TENM2: variants seen among roughly 807,000 people sequenced by gnomAD.
TENM2 encodes teneurin transmembrane protein 2.
In TENM2, 52 loss-of-function variants were observed where a neutral mutation model predicts 245.2. That is an observed-to-expected ratio of 0.21 (90% CI 0.17 to 0.27). The LOEUF (loss-of-function observed/expected upper bound fraction) is 0.27, where lower values mean the gene tolerates loss of function less well. TENM2 is among the 10% of genes least tolerant of loss of function. The pLI, the probability that TENM2 is intolerant of heterozygous loss-of-function variation, is 1.00. For synonymous variants in TENM2, 1,363 were observed against 1,438.9 expected (o/e 0.95, Z 1.19); for missense variants, 3,046 against 3,666.8 (o/e 0.83, Z 4.37).
At chr5:167,208,400 T>C in the TENM2 span, among the ~76,000 whole-genome samples, 1 of 152,180 alleles carries the variant, frequency 6.6e-6, no homozygotes, top group Non-Finnish European at 1.5e-5. Context: ...AGGTTCCACA[T>C]CCTAAGGAGA....
At chr5:167,187,043 T>C in the TENM2 span, among the ~76,000 whole-genome samples, 1 of 152,196 alleles carries the variant, frequency 6.6e-6, no homozygotes, top group Non-Finnish European at 1.5e-5. Flanking sequence ...CAGTTGTCAT[T>C]CAATTGGGTT....
chr5:167,643,920 T>C (rs1779767643), intron 2 of TENM2, among the ~76,000 whole-genome samples: 1 of 152,248 alleles, frequency 6.6e-6, no homozygotes, highest in Non-Finnish European at 1.5e-5. Context: ...AGTAGGAGCT[T>C]CATTACTTTT....
intron 7 of TENM2, among the ~76,000 whole-genome samples, chr5:168,070,666 A>G (rs1790909537): frequency 6.6e-6 from 1 of 150,854 alleles, no homozygotes; most frequent in Admixed American, 6.7e-5. Context: ...GTATCTGCCC[A>G]TAGTCCCAGC....
chr5:167,071,784 A>C, the TENM2 span, among the ~76,000 whole-genome samples: 1 of 152,078 alleles, frequency 6.6e-6, no homozygotes, highest in South Asian at 2.1e-4. Context: ...TTTCAGGGAC[A>C]TTGAATGAGG....
intron 13 of TENM2, among the ~76,000 whole-genome samples, chr5:168,174,608 C>A (rs1452376060): frequency 6.6e-6 from 1 of 152,176 alleles, no homozygotes; most frequent in Non-Finnish European, 1.5e-5. Flanking sequence ...GATGCTGTTG[C>A]GTTGAGAACC....
At chr5:168,203,814 A>T (rs1369961182) in exon 18 of TENM2, 2 of 1,611,920 alleles carry the variant, frequency 1.2e-6, no homozygotes, top group Admixed American at 1.7e-5. Flanking sequence ...CAAACACCAC[A>T]TCCTCAATGT....
At chr5:167,910,968 C>T (rs1370375044) in intron 3 of TENM2, among the ~76,000 whole-genome samples, 1 of 151,978 alleles carries the variant, frequency 6.6e-6, no homozygotes, top group South Asian at 2.1e-4. Flanking sequence ...GTTAAACAAA[C>T]CCTAGGAAAA....
At chr5:167,006,064 G>C in the TENM2 span, among the ~76,000 whole-genome samples, 1 of 152,110 alleles carries the variant, frequency 6.6e-6, no homozygotes, top group Non-Finnish European at 1.5e-5. Flanking sequence ...TTTCCATGTA[G>C]ACTAGCCTTT....
At chr5:167,448,101 C>G (rs1765339359) in intron 2 of TENM2, among the ~76,000 whole-genome samples, 1 of 152,160 alleles carries the variant, frequency 6.6e-6, no homozygotes, top group Admixed American at 6.5e-5. Context: ...GCTTCAGCTA[C>G]AGTGGTTCCC....
Position 168,156,254 on chromosome 5 carries a change from A to AAAAAAC in TENM2, c.2423-6352_2423-6351insCAAAAA, listed in dbSNP as rs899264748. Among the ~76,000 whole-genome samples the AAAAAAC allele has an allele frequency of 2.9e-4, 43 of 149,762 alleles. No individual in the cohort carries two copies. In the East Asian group the frequency reaches 8.0e-3, roughly 28 times the overall value. The stretch of plus-strand genomic sequence containing the variant: ...TAAGGTTTTCCCCATAGTTAAAAAA[A>AAAAAAC]AAAAAAAAAAAACACTTTTTTTTTT... On this transcript the variant is annotated intron_variant, in intron 12 of 28. Coordinates refer to ENST00000518659, the Ensembl canonical transcript of TENM2.
At position 168,221,626 on chromosome 5, in the gene TENM2, G is replaced by A. The variant is rs535805351; in HGVS notation, c.5108+2627G>A. 3.2e-4 allele frequency among the ~76,000 whole-genome samples: 49 copies of A among 152,278 alleles called. 1 individual carries two copies. In the South Asian group the frequency reaches 4.8e-3, roughly 15 times the overall value. On this transcript the variant is annotated intron_variant, in intron 23 of 28. Coordinates refer to ENST00000518659, the Ensembl canonical transcript of TENM2. The stretch of plus-strand genomic sequence containing the variant: ...AGGGGTAGGAAAAAATAACACTATC[G>A]AATCTTCCTGGACCCATTTTATGAT...
the TENM2 span, among the ~76,000 whole-genome samples, chr5:167,213,041 A>G: frequency 6.6e-6 from 1 of 152,248 alleles, no homozygotes; most frequent in Non-Finnish European, 1.5e-5. Flanking sequence ...TTACAGTTTT[A>G]AAGTTAGCAG....
At chr5:168,116,780 G>A (rs34454819) in intron 9 of TENM2, among the ~76,000 whole-genome samples, 32,397 of 152,126 alleles carry the variant, frequency 0.21, 3,692 homozygotes, top group Non-Finnish European at 0.24. Context: ...GAGGCTGGGT[G>A]GGGCAGGTGA....
At chr5:168,226,340 T>C in intron 24 of TENM2, 77 bp downstream of exon 26, 1 of 1,417,516 alleles carries the variant, frequency 7.1e-7, no homozygotes, top group Non-Finnish European at 9.7e-7. Flanking sequence ...ACATGTGAGT[T>C]ATGCAGCCTG....
At chr5:167,228,028 CTTTAT>C in the TENM2 span, among the ~76,000 whole-genome samples, 2 of 126,180 alleles carry the variant, frequency 1.6e-5, no homozygotes, top group African/African-American at 3.4e-5. Flanking sequence ...TCTTTTTCTT[CTTTAT>C]TTTATTTTAT....
At chr5:167,406,952 TTAA>T (rs1416618012) in intron 2 of TENM2, among the ~76,000 whole-genome samples, 1 of 152,176 alleles carries the variant, frequency 6.6e-6, no homozygotes, top group East Asian at 1.9e-4. Context: ...TAATTCTTGA[TTAA>T]TAATTTAATA....
chr5:167,879,388 G>A (rs759150577), intron 3 of TENM2, among the ~76,000 whole-genome samples: 5 of 152,110 alleles, frequency 3.3e-5, no homozygotes, highest in African/African-American at 7.2e-5. Context: ...GAGCTCCAGC[G>A]AGTGGCTCAT....
chr5:167,474,801 C>T (rs1324399139), intron 2 of TENM2, among the ~76,000 whole-genome samples: 1 of 152,184 alleles, frequency 6.6e-6, no homozygotes, highest in African/African-American at 2.4e-5. Flanking sequence ...CAGGCGTGAG[C>T]CATTGCACTT....
chr5:167,992,978 C>A (rs1202831400), exon 5 of TENM2: 1 of 1,613,856 alleles, frequency 6.2e-7, no homozygotes, highest in African/African-American at 1.3e-5. Flanking sequence ...GGGGAGCACA[C>A]CCTTGTTCAG....
Sources: allele counts gnomAD v4.1 joint callset (sites outside exome capture counted in the v4.1 genomes callset), GRCh38; gene constraint gnomAD v4.1.1; transcripts MANE v1.5; gene names NCBI Gene and HGNC (gene_info 2026-07-23, HGNC 2026-07-21).